Variants in NEMF observed in about 807,000 individuals in gnomAD.
The protein encoded by NEMF is nuclear export mediator factor, also known as ribosome quality control complex subunit NEMF.
A neutral mutation model predicts 162.2 loss-of-function variants in NEMF; 89 were observed. That is an observed-to-expected ratio of 0.55 (90% confidence interval 0.46 to 0.65). The LOEUF (loss-of-function observed/expected upper bound fraction) is 0.65. Ranked by LOEUF, NEMF falls within the 30% of genes least tolerant of loss-of-function variation. NEMF has a pLI of 0.00. For missense variants in NEMF, 1,133 were observed against 1,261.9 expected, an observed-to-expected ratio of 0.90 and a Z score of 1.55; for synonymous variants, 421 against 404.5, an observed-to-expected ratio of 1.04 and a Z score of -0.49.
At chr14:49,815,471 T>C (rs993932788) in intron 16 of NEMF, among the ~76,000 whole-genome samples, 1 of 152,216 alleles carries the variant, frequency 6.6e-6, no homozygotes, top group Non-Finnish European at 1.5e-5. Flanking sequence ...AAATACTTGC[T>C]ACATTATATA....
intron 19 of NEMF, 114 bp downstream of exon 19, chr14:49,805,907 C>A (rs1010552878): frequency 7.3e-6 from 4 of 544,434 alleles, no homozygotes; most frequent in Non-Finnish European, 1.3e-5. Context: ...TTTTCCTCTA[C>A]CAAAAAGAGT....
At chr14:49,850,148 G>A (rs942227195) in intron 3 of NEMF, among the ~76,000 whole-genome samples, 1 of 152,100 alleles carries the variant, frequency 6.6e-6, no homozygotes, top group Non-Finnish European at 1.5e-5. Context: ...TGTCGCCCAG[G>A]CTGGAGTGAA....
intron 18 of NEMF, among the ~76,000 whole-genome samples, chr14:49,813,215 A>G (rs1030612228): frequency 1.3e-5 from 2 of 152,234 alleles, no homozygotes; most frequent in African/African-American, 4.8e-5. Context: ...ATGATGACTC[A>G]AAGAAAATGC....
At chr14:49,837,989 G>A (rs1163588673) in intron 6 of NEMF, 150 bp downstream of exon 6, 10 of 537,520 alleles carry the variant, frequency 1.9e-5, no homozygotes, top group Non-Finnish European at 2.9e-5. Context: ...ACTTCATGTG[G>A]TTTAACTTCT....
chr14:49,805,996 GAA>G, intron 19 of NEMF, 23 bp downstream of exon 19: 1 of 1,527,852 alleles, frequency 6.5e-7, no homozygotes, highest in Non-Finnish European at 9.0e-7. Context: ...AGTAAATTAA[GAA>G]AAAGGACAAG....
chr14:49,805,158 CT>C (rs1337793092), intron 19 of NEMF, among the ~76,000 whole-genome samples: 2 of 152,036 alleles, frequency 1.3e-5, no homozygotes, highest in South Asian at 2.1e-4. Context: ...TATAATCCCC[CT>C]ATATGACAAT....
rs1889989980 is a variant in NEMF, at chr14:49,783,119, A to C, written c.*1517T>G. ...ACCTATTTTTGTGTCTAAAGTTTAC[A>C]ATAAATGTATTTAACACCAGTAGCT... On this transcript the variant is annotated 3_prime_UTR_variant, in exon 33 of 33. Coordinates refer to ENST00000298310, the MANE Select transcript of NEMF (RefSeq NM_004713.6). 1.8e-6 allele frequency: 1 copy of C among 546,756 alleles called. No homozygotes were observed. Among genetic ancestry groups the C allele is most frequent in the Non-Finnish European group, 3.0e-6 (1 of 330,414 alleles). The allele number at this position is 546,756 out of a possible 1,614,324, so 33.9% of individuals were successfully genotyped here.
chr14:49,806,087 T>C lies in NEMF; in HGVS notation c.1791A>G (p.Ala597=), dbSNP rs770762357. The C allele has an allele frequency of 2.2e-5, 36 of 1,612,410 alleles. No homozygotes were observed. The highest frequency in any genetic ancestry group is 2.9e-5 in the Non-Finnish European group (34 of 1,179,484). Residue 597 remains alanine (A), a synonymous_variant, in exon 19 of 33, where the codon GCA becomes GCG. Coordinates refer to ENST00000298310, the MANE Select transcript of NEMF (RefSeq NM_004713.6). ...PRTLTEAGTM[A]LCYSAAWDAR... The stretch of plus-strand genomic sequence containing the variant: ...CATCCCAAGCAGCACTGTAGCAAAG[T>C]GCCATTGTGCCAGCTTCAGTCAAGG...
chr14:49,786,864 C>G lies in NEMF; in HGVS notation c.2896-114G>C. Reference sequence around the variant, plus strand: ...ATACAACCAGACTGTCATTTCTGACCCACAGGATAGGGGGCCTCAAGGTTA... The same window carrying G: ...ATACAACCAGACTGTCATTTCTGACGCACAGGATAGGGGGCCTCAAGGTTA... On this transcript the variant is annotated intron_variant, in intron 28 of 32. Transcript: ENST00000298310. 5 of 951,418 alleles carry G rather than the reference C, an allele frequency of 5.3e-6. No individual in the cohort carries two copies. In the South Asian group the frequency reaches 7.6e-5, roughly 14 times the overall value. 58.9% of individuals were successfully genotyped at this position (951,418 alleles called of 1,614,324 possible).
intron 8 of NEMF, 61 bp downstream of exon 8, chr14:49,833,362 G>T: frequency 9.9e-7 from 1 of 1,012,662 alleles, no homozygotes; most frequent in South Asian, 1.8e-5. Context: ...TTTAATGAAC[G>T]TTTAATTTCT....
intron 7 of NEMF, 46 bp downstream of exon 7, chr14:49,834,317 G>C: frequency 7.3e-7 from 1 of 1,377,456 alleles, no homozygotes; most frequent in South Asian, 1.2e-5. Context: ...AATTTTCATA[G>C]TTTAAAAAAA....
chr14:49,782,597 A>G lies in NEMF; in HGVS notation c.*2039T>C, dbSNP rs769511819. On this transcript the variant is annotated 3_prime_UTR_variant, in exon 33 of 33. Coordinates refer to ENST00000298310, the MANE Select transcript of NEMF (RefSeq NM_004713.6). ...GTTCAACCAAAATCTCTTGTACGGT[A>G]AGTAACTTTGTACTTGGCACTTAGA... is the stretch of plus-strand genomic sequence containing the variant. 1 of 1,598,634 alleles carries G rather than the reference A, an allele frequency of 6.3e-7. No homozygotes were observed.
At position 49,852,621 on chromosome 14, in the gene NEMF, C is replaced by T. The variant is rs1262604160; in HGVS notation, c.59+74G>A. 2.1e-5 allele frequency: 32 copies of T among 1,499,272 alleles called. No homozygotes were observed. In the Middle Eastern group the frequency reaches 1.4e-3, roughly 64 times the overall value. 92.9% of individuals were successfully genotyped at this position (1,499,272 alleles called of 1,614,324 possible). A position where few individuals can be genotyped will look rare whatever the true frequency, so the allele number is the denominator to read the frequency against. The stretch of plus-strand genomic sequence containing the variant: ...AAATAAGGAAACATATCAAGCTGGT[C>T]TGTTTGCGCCATGGGACTCCGGCCT... On this transcript the variant is annotated intron_variant, in intron 1 of 32. Coordinates refer to ENST00000298310, the MANE Select transcript of NEMF (RefSeq NM_004713.6).
Position 49,795,937 on chromosome 14 carries a change from T to C in NEMF, c.2473A>G (p.Lys825Glu), listed in dbSNP as rs777872743. Reference sequence around the variant, plus strand: ...GAGTCACTTGGAAGTTTTTTCTTTTTCATTTCCCTGAATAAAAAAGACATG... The same window carrying C: ...GAGTCACTTGGAAGTTTTTTCTTTTCCATTTCCCTGAATAAAAAAGACATG... ...HLSAKERREM[K>E]KKKLPSDSGD... The change falls in exon 26 of 33, where the codon AAA (lysine) becomes GAA (glutamate). Residue 825 changes from lysine to glutamate, a missense_variant. By Grantham distance (56) the Lys-to-Glu change is moderately conservative. This residue lies in a region of NEMF where 532 missense variants were observed against 578.6 expected (regional missense o/e 0.92). Transcript: ENST00000298310. The C allele has an allele frequency of 6.3e-7, 1 of 1,589,344 alleles. No homozygotes were observed. The highest frequency in any genetic ancestry group is 2.2e-5 in the East Asian group (1 of 44,786).
At chr14:49,823,869 T>C (rs1256509537) in intron 16 of NEMF, among the ~76,000 whole-genome samples, 2 of 152,116 alleles carry the variant, frequency 1.3e-5, no homozygotes, top group Non-Finnish European at 2.9e-5. Flanking sequence ...ACAAGTTTCA[T>C]GTAAAATATC....
chr14:49,825,964 A>G lies in NEMF; in HGVS notation c.1489-9T>C, dbSNP rs769423560. Reference sequence around the variant, plus strand: ...TCTGCTGACTTGAATGCCTATTTATAGAAAAGAGTTTTAAAAACAATTTGT... The same window carrying G: ...TCTGCTGACTTGAATGCCTATTTATGGAAAAGAGTTTTAAAAACAATTTGT... On this transcript the variant is annotated splice_polypyrimidine_tract_variant and intron_variant, in intron 15 of 32. Transcript: ENST00000298310. 4 of 1,570,564 alleles carry G rather than the reference A, an allele frequency of 2.5e-6. No individual in the cohort carries two copies. The highest frequency in any genetic ancestry group is 3.5e-6 in the Non-Finnish European group (4 of 1,147,632).
Position 49,829,100 on chromosome 14 carries a change from T to C in NEMF, c.1186A>G (p.Ile396Val), listed in dbSNP as rs1010864530. The C allele has an allele frequency of 6.2e-7, 1 of 1,614,198 alleles. No homozygotes were observed. Among genetic ancestry groups the C allele is most frequent in the Non-Finnish European group, 8.5e-7 (1 of 1,180,028 alleles). The change falls in exon 13 of 33, where the codon ATC becomes GTC. Residue 396 changes from isoleucine to valine, a missense_variant. Coordinates refer to ENST00000298310, the MANE Select transcript of NEMF (RefSeq NM_004713.6). ...QAQGDPVASA[I>V]KELKLQTNHV... Reference sequence around the variant, plus strand: ...TTTGTTTGTAGTTTTAATTCTTTGATTGCACTTGCAACAGGGTCTCCTTGA... The same window carrying C: ...TTTGTTTGTAGTTTTAATTCTTTGACTGCACTTGCAACAGGGTCTCCTTGA...
Position 49,806,678 on chromosome 14 carries a change from T to TA in NEMF, c.1745-546dup, listed in dbSNP as rs568090762. ...TTACAGAGCAAGCTTTTAAATGACC[T>TA]ACGTAAATAAAACATGTCAGAGAAG... is the stretch of plus-strand genomic sequence containing the variant. On this transcript the variant is annotated intron_variant, in intron 18 of 32. Coordinates refer to ENST00000298310, the MANE Select transcript of NEMF (RefSeq NM_004713.6). Among the ~76,000 whole-genome samples the TA allele has an allele frequency of 3.6e-3, 542 of 152,256 alleles. 3 individuals are homozygous for TA. The highest frequency in any genetic ancestry group is 0.012 in the African/African-American group (516 of 41,554).
At chr14:49,788,369 T>C (rs1220194069) in intron 28 of NEMF, among the ~76,000 whole-genome samples, 3 of 150,938 alleles carry the variant, frequency 2.0e-5, no homozygotes, top group African/African-American at 7.3e-5. Flanking sequence ...AATAAAACAA[T>C]TAGGCAATCA....
Sources: allele counts gnomAD v4.1 joint callset (sites outside exome capture counted in the v4.1 genomes callset), GRCh38; gene constraint gnomAD v4.1.1; regional missense constraint gnomAD v4.1.1; transcripts MANE v1.5; gene names NCBI Gene and HGNC (gene_info 2026-07-23, HGNC 2026-07-21).